Variants in RNGTT observed in about 807,000 individuals in gnomAD.
RNGTT encodes mRNA-capping enzyme.
In RNGTT, 33 loss-of-function variants were observed where a neutral mutation model predicts 79.3. The observed-to-expected ratio is 0.42, with a 90% confidence interval of 0.32 to 0.56. The LOEUF is 0.56. RNGTT is among the 20% of genes least tolerant of loss of function. The pLI, the probability that RNGTT is intolerant of heterozygous loss-of-function variation, is 0.17. For synonymous variants in RNGTT, 222 were observed against 235.9 expected (o/e 0.94, Z 0.54); for missense variants, 497 against 739.1 (o/e 0.67, Z 3.80).
intron 13 of RNGTT, among the ~76,000 whole-genome samples, chr6:88,686,879 C>T (rs916807325): frequency 2.0e-5 from 3 of 149,448 alleles, no homozygotes; most frequent in African/African-American, 7.7e-5. Context: ...AAAGGAGAAA[C>T]CTTACAAGTA....
At chr6:88,933,807 C>T (rs548927283) in intron 2 of RNGTT, among the ~76,000 whole-genome samples, 4 of 152,276 alleles carry the variant, frequency 2.6e-5, no homozygotes, top group South Asian at 2.1e-4. Flanking sequence ...TTTCTTTATC[C>T]ATTCATCCAC....
At chr6:88,837,763 C>T (rs542284909) in intron 11 of RNGTT, among the ~76,000 whole-genome samples, 4 of 151,960 alleles carry the variant, frequency 2.6e-5, no homozygotes, top group Non-Finnish European at 5.9e-5. Flanking sequence ...CCAAACTGAA[C>T]ACCCATTCTT....
chr6:88,868,926 A>G (rs569268636), intron 8 of RNGTT, among the ~76,000 whole-genome samples: 19 of 152,302 alleles, frequency 1.2e-4, no homozygotes, highest in African/African-American at 4.6e-4. Context: ...GATTTTAATA[A>G]TCTACAAGAA....
chr6:88,779,487 T>C (rs531435614), intron 12 of RNGTT, among the ~76,000 whole-genome samples: 12 of 152,268 alleles, frequency 7.9e-5, no homozygotes, highest in African/African-American at 2.9e-4. Flanking sequence ...TTAAATATCA[T>C]TCACATTCTC....
intron 11 of RNGTT, among the ~76,000 whole-genome samples, chr6:88,835,026 T>G (rs1280656502): frequency 6.6e-6 from 1 of 152,118 alleles, no homozygotes; most frequent in Non-Finnish European, 1.5e-5. Flanking sequence ...ATCTTAACAT[T>G]TACTACTCTT....
chr6:88,830,918 A>G (rs1294140352), intron 11 of RNGTT, among the ~76,000 whole-genome samples: 1 of 152,220 alleles, frequency 6.6e-6, no homozygotes, highest in Non-Finnish European at 1.5e-5. Context: ...TAGACCAATA[A>G]TAAGTTCTGA....
intron 11 of RNGTT, among the ~76,000 whole-genome samples, chr6:88,816,919 C>G (rs1414435250): frequency 6.6e-6 from 1 of 152,086 alleles, no homozygotes; most frequent in African/African-American, 2.4e-5. Context: ...GGGAGAGATT[C>G]TCATTATTTC....
At chr6:88,836,627 A>T (rs1562277954) in intron 11 of RNGTT, among the ~76,000 whole-genome samples, 1 of 152,116 alleles carries the variant, frequency 6.6e-6, no homozygotes. Context: ...TTATAGTCCC[A>T]GCTACTCAGG....
chr6:88,828,214 G>C (rs1280329357), intron 11 of RNGTT, among the ~76,000 whole-genome samples: 2 of 152,190 alleles, frequency 1.3e-5, no homozygotes, highest in Non-Finnish European at 2.9e-5. Context: ...AATCTTTGCT[G>C]TTCTGTAGCC....
chr6:88,780,343 T>C (rs182520145), intron 12 of RNGTT, among the ~76,000 whole-genome samples: 30 of 152,260 alleles, frequency 2.0e-4, no homozygotes, highest in Admixed American at 1.4e-3. Flanking sequence ...AAATAATCCC[T>C]TTTTCATGAT....
chr6:88,759,076 T>C (rs1778119341), intron 13 of RNGTT, among the ~76,000 whole-genome samples: 1 of 152,212 alleles, frequency 6.6e-6, no homozygotes, highest in Non-Finnish European at 1.5e-5. Context: ...CCAATCAGCA[T>C]TCTGCTAAAA....
At chr6:88,665,616 G>A (rs554855989) in intron 14 of RNGTT, among the ~76,000 whole-genome samples, 2 of 152,326 alleles carry the variant, frequency 1.3e-5, no homozygotes, top group South Asian at 4.1e-4. Context: ...CATCAGATTA[G>A]CTCCAGAGAG....
At chr6:88,930,082 A>ATGTATATGCATATGTATACATATACG (rs1562046159) in intron 2 of RNGTT, among the ~76,000 whole-genome samples, 5 of 119,782 alleles carry the variant, frequency 4.2e-5, no homozygotes, top group Admixed American at 8.1e-5. Flanking sequence ...ATACATATAC[A>ATGTATATGCATATGTATACATATACG]TATATACATA....
chr6:88,859,951 A>G (rs891007264), intron 8 of RNGTT, among the ~76,000 whole-genome samples: 1 of 152,152 alleles, frequency 6.6e-6, no homozygotes, highest in Non-Finnish European at 1.5e-5. Flanking sequence ...GAGAGATGGG[A>G]GGTAAATAAA....
At chr6:88,695,188 C>T (rs186457239) in intron 13 of RNGTT, among the ~76,000 whole-genome samples, 1 of 152,102 alleles carries the variant, frequency 6.6e-6, no homozygotes, top group East Asian at 1.9e-4. Flanking sequence ...AACTAAAAAC[C>T]TTCTGCACAG....
intron 8 of RNGTT, among the ~76,000 whole-genome samples, chr6:88,889,872 AGGAGAC>A (rs1782984624): frequency 6.6e-6 from 1 of 152,170 alleles, no homozygotes; most frequent in Admixed American, 6.5e-5. Flanking sequence ...GCTACTATTC[AGGAGAC>A]TGAGGTGGGA....
chr6:88,695,437 T>G (rs942787619), intron 13 of RNGTT, among the ~76,000 whole-genome samples: 6 of 152,200 alleles, frequency 3.9e-5, no homozygotes, highest in East Asian at 3.9e-4. Context: ...ATTAGGGAAA[T>G]GTAAATTAGA....
At chr6:88,723,417 C>T (rs1582383345) in intron 13 of RNGTT, among the ~76,000 whole-genome samples, 1 of 152,202 alleles carries the variant, frequency 6.6e-6, no homozygotes, top group Admixed American at 6.5e-5. Context: ...AACTTCTCTA[C>T]AGCCCCTGCC....
chr6:88,713,244 G>A (rs1240594432), intron 13 of RNGTT, among the ~76,000 whole-genome samples: 1 of 151,860 alleles, frequency 6.6e-6, no homozygotes, highest in East Asian at 1.9e-4. Context: ...GCCATGTGAG[G>A]GTACAACAAG....
Sources: gnomAD v4.1 joint callset for allele counts (sites outside exome capture counted in the v4.1 genomes callset) on GRCh38, gnomAD v4.1.1 for gene constraint, MANE v1.5 for transcripts, NCBI Gene and HGNC (gene_info 2026-07-23, HGNC 2026-07-21) for gene names.